Variants in TIAM2 observed in about 807,000 individuals in gnomAD.
The protein encoded by TIAM2 is TIAM Rac1 associated GEF 2.
Under a neutral mutation model 152.9 loss-of-function variants are expected in TIAM2, and 80 were observed. That is an observed-to-expected ratio of 0.52 (90% confidence interval 0.44 to 0.63). The LOEUF is 0.63. Among genes scored for constraint, TIAM2 ranks in the 30% least tolerant of loss-of-function variants. The pLI is 0.00. For missense variants in TIAM2, 1,965 were observed against 2,120.1 expected, an observed-to-expected ratio of 0.93 and a Z score of 1.44; for synonymous variants, 804 against 838.0, an observed-to-expected ratio of 0.96 and a Z score of 0.70.
At chr6:155,243,514 T>G (rs1783156693) in intron 16 of TIAM2, among the ~76,000 whole-genome samples, 1 of 152,162 alleles carries the variant, frequency 6.6e-6, no homozygotes, top group African/African-American at 2.4e-5. Flanking sequence ...TTAAACTCTT[T>G]GAATTAGGTG....
chr6:155,171,862 C>T (rs895017387), intron 9 of TIAM2, among the ~76,000 whole-genome samples: 3 of 152,152 alleles, frequency 2.0e-5, no homozygotes, highest in African/African-American at 4.8e-5. Context: ...GTGCAACTCC[C>T]TTTTGTGTTT....
At chr6:155,085,265 A>G (rs1778150421) in intron 1 of TIAM2, among the ~76,000 whole-genome samples, 1 of 152,216 alleles carries the variant, frequency 6.6e-6, no homozygotes, top group African/African-American at 2.4e-5. Context: ...GGCTACAAAG[A>G]AGATACAATT....
chr6:155,172,697 T>C (rs4031537), intron 9 of TIAM2, among the ~76,000 whole-genome samples: 1 of 72,946 alleles, frequency 1.4e-5, no homozygotes, highest in Non-Finnish European at 2.7e-5. Context: ...TTTTTTTTTT[T>C]TTTTTTTTTT....
At chr6:155,165,236 T>C (rs1208454197) in intron 8 of TIAM2, 27 bp from the exon 9 acceptor site, 5 of 1,585,228 alleles carry the variant, frequency 3.2e-6, no homozygotes, top group Non-Finnish European at 3.4e-6. Context: ...AGCCTTTAGA[T>C]TTTTTTTAAA....
At position 155,049,598 on chromosome 6, in the gene TIAM2, T is replaced by C. The variant is rs144983961; in HGVS notation, c.-208-40691T>C. On this transcript the variant is annotated intron_variant, in intron 1 of 26. Coordinates refer to ENST00000682666, the MANE Select transcript of TIAM2 (RefSeq NM_012454.4). ...GCTGCATTAACAGCGGCTAACCTTA[T>C]TCTGAGGGTACATTTTACCAGTCTG... Among the ~76,000 whole-genome samples, 479 of 152,212 alleles carry C rather than the reference T, an allele frequency of 3.1e-3. 5 individuals carry two copies. In the East Asian group the frequency reaches 0.055, roughly 17 times the overall value.
chr6:155,002,863 G>GTT (rs35428302), intron 1 of TIAM2, among the ~76,000 whole-genome samples: 29 of 148,108 alleles, frequency 2.0e-4, no homozygotes, highest in Admixed American at 6.1e-4. Context: ...GTGTGTGTGT[G>GTT]TTTTTTTTTT....
chr6:155,244,601 G>C (rs1462306601), intron 17 of TIAM2, 57 bp from the exon 18 acceptor site: 13 of 1,582,124 alleles, frequency 8.2e-6, no homozygotes, highest in Non-Finnish European at 1.1e-5. Context: ...AAGAGTTAGC[G>C]TGGTGTCCTG....
At chr6:155,241,461 C>T (rs574570764) in intron 16 of TIAM2, among the ~76,000 whole-genome samples, 1 of 152,122 alleles carries the variant, frequency 6.6e-6, no homozygotes, top group Non-Finnish European at 1.5e-5. Flanking sequence ...TGGTGGATGG[C>T]CCCCTTCAAC....
intron 4 of TIAM2, among the ~76,000 whole-genome samples, chr6:155,131,642 C>T (rs1289149759): frequency 6.7e-6 from 1 of 150,000 alleles, no homozygotes; most frequent in Non-Finnish European, 1.5e-5. Context: ...TACAGTGGTG[C>T]GATCTTGGCT....
chr6:155,112,736 C>T (rs945231260), intron 2 of TIAM2, among the ~76,000 whole-genome samples: 2 of 152,158 alleles, frequency 1.3e-5, no homozygotes, highest in African/African-American at 4.8e-5. Context: ...TCTGCTCTGC[C>T]GTCTGCATTC....
chr6:155,124,323 G>A (rs1481395427), intron 2 of TIAM2, among the ~76,000 whole-genome samples: 5 of 148,364 alleles, frequency 3.4e-5, no homozygotes, highest in African/African-American at 7.5e-5. Context: ...GCCCAGCCAG[G>A]TTTTGAACTT....
At chr6:155,034,855 C>T (rs545424098) in intron 1 of TIAM2, among the ~76,000 whole-genome samples, 1 of 151,986 alleles carries the variant, frequency 6.6e-6, no homozygotes, top group Non-Finnish European at 1.5e-5. Flanking sequence ...CGATGCTAGC[C>T]GCAGATGTTT....
chr6:155,225,224 G>T (rs1350339093), intron 15 of TIAM2, among the ~76,000 whole-genome samples: 3 of 152,178 alleles, frequency 2.0e-5, no homozygotes, highest in Non-Finnish European at 4.4e-5. Context: ...CCAAAGTGCT[G>T]GGATTACAGG....
intron 1 of TIAM2, among the ~76,000 whole-genome samples, chr6:155,045,944 G>A (rs982859058): frequency 7.3e-6 from 1 of 137,868 alleles, no homozygotes; most frequent in African/African-American, 2.7e-5. Flanking sequence ...CTGTTTTAAT[G>A]AGGAAGAGGA....
chr6:155,205,327 A>G (rs1781572724), intron 14 of TIAM2, among the ~76,000 whole-genome samples: 1 of 151,486 alleles, frequency 6.6e-6, no homozygotes, highest in Non-Finnish European at 1.5e-5. Flanking sequence ...TTTTAAATTT[A>G]ATTTCTCTTT....
intron 2 of TIAM2, among the ~76,000 whole-genome samples, chr6:155,123,173 C>G (rs1779212008): frequency 7.0e-6 from 1 of 143,828 alleles, no homozygotes; most frequent in Non-Finnish European, 1.5e-5. Flanking sequence ...CTTCCTCCTA[C>G]TGTTTAAGGC....
chr6:155,056,778 T>C (rs1340480839), intron 1 of TIAM2, among the ~76,000 whole-genome samples: 1 of 151,978 alleles, frequency 6.6e-6, no homozygotes, highest in African/African-American at 2.4e-5. Flanking sequence ...AAATGAACCA[T>C]ATTGATACCT....
intron 7 of TIAM2, among the ~76,000 whole-genome samples, chr6:155,159,932 T>C (rs1205705669): frequency 6.6e-6 from 1 of 152,168 alleles, no homozygotes; most frequent in African/African-American, 2.4e-5. Context: ...TCTATAGGGA[T>C]GAAGGCTGTA....
At chr6:155,220,865 A>G (rs994126718) in intron 15 of TIAM2, among the ~76,000 whole-genome samples, 2 of 152,050 alleles carry the variant, frequency 1.3e-5, no homozygotes, top group Admixed American at 6.6e-5. Context: ...TGCTGCACCC[A>G]TCAACCCATC....
Sources: gnomAD v4.1 joint callset for allele counts (sites outside exome capture counted in the v4.1 genomes callset) on GRCh38, gnomAD v4.1.1 for gene constraint, MANE v1.5 for transcripts, NCBI Gene and HGNC (gene_info 2026-07-23, HGNC 2026-07-21) for gene names.